Variants in CTNNA2 observed in about 807,000 individuals in gnomAD.
The protein encoded by CTNNA2 is catenin alpha 2, also known as catenin alpha-2.
A neutral mutation model predicts 101.0 loss-of-function variants in CTNNA2; 42 were observed. The observed-to-expected ratio is 0.42, with a 90% CI of 0.32 to 0.54. CTNNA2 has a LOEUF of 0.54. CTNNA2 is among the 20% of genes least tolerant of loss of function. The pLI is 0.14. For missense variants in CTNNA2, 871 were observed against 1,223.1 expected, an observed-to-expected ratio of 0.71 and a Z score of 4.29; for synonymous variants, 450 against 456.4, an observed-to-expected ratio of 0.99 and a Z score of 0.18.
At chr2:79,568,779 T>A (rs1379872271) in intron 1 of CTNNA2, among the ~76,000 whole-genome samples, 1 of 143,450 alleles carries the variant, frequency 7.0e-6, no homozygotes, top group Non-Finnish European at 1.5e-5. Context: ...CCCAGCACTT[T>A]GGGAGGCTGA....
chr2:80,539,217 A>T lies in CTNNA2; in HGVS notation c.1291-5765A>T, dbSNP rs1297396958. ...CTGCTTTTGGCTTCCTGAGGTGATTATTAAAGAGTTACAGGATAGATGCCA... is the reference window on the plus strand; with the variant it reads ...CTGCTTTTGGCTTCCTGAGGTGATTTTTAAAGAGTTACAGGATAGATGCCA... On this transcript the variant is annotated intron_variant, in intron 9 of 18. Coordinates refer to ENST00000402739, the MANE Select transcript of CTNNA2 (RefSeq NM_001282597.3). Among the ~76,000 whole-genome samples the T allele has an allele frequency of 3.9e-5, 6 of 151,980 alleles. No homozygotes were observed. In the East Asian group the frequency reaches 1.2e-3, roughly 29 times the overall value.
At chr2:79,994,587 A>G (rs116310317) in intron 7 of CTNNA2, among the ~76,000 whole-genome samples, 26,107 of 150,708 alleles carry the variant, frequency 0.17, 2,491 homozygotes, top group East Asian at 0.27. Flanking sequence ...TCTGTTTCAT[A>G]GGAAAAAAAA....
intron 7 of CTNNA2, among the ~76,000 whole-genome samples, chr2:80,242,522 C>A (rs1671019111): frequency 6.6e-6 from 1 of 152,172 alleles, no homozygotes; most frequent in Non-Finnish European, 1.5e-5. Context: ...TTGCTAGGCT[C>A]TTTGAGCATT....
At chr2:79,415,779 G>C (rs1427473480) in intron 4 of CTNNA2, among the ~76,000 whole-genome samples, 1 of 151,976 alleles carries the variant, frequency 6.6e-6, no homozygotes, top group African/African-American at 2.4e-5. Context: ...AATCAAATAT[G>C]ATCCTCACCG....
intron 2 of CTNNA2, among the ~76,000 whole-genome samples, chr2:79,253,814 T>G (rs188694759): frequency 1.3e-5 from 2 of 152,210 alleles, no homozygotes; most frequent in Non-Finnish European, 2.9e-5. Flanking sequence ...AAGAAGAGCA[T>G]GTGTATTTGT....
rs768529296 is a variant in CTNNA2, at chr2:79,909,753, G to A, written c.1012G>A (p.Val338Met). The part of the protein sequence containing the change: ...RERIVAECNA[V>M]RQALQDLLSE... ...GAGGATCGTGGCGGAGTGCAACGCC[G>A]TGCGGCAGGCGCTCCAGGACCTGCT... is the stretch of plus-strand genomic sequence containing the variant. The change falls in exon 7 of 19, where the codon GTG (valine) becomes ATG (methionine). Residue 338 changes from valine to methionine, a missense_variant. Val to Met is a conservative substitution (Grantham distance 21). Transcript: ENST00000402739. 1.2e-6 allele frequency: 2 copies of A among 1,612,900 alleles called. No homozygotes were observed. The highest frequency in any genetic ancestry group is 8.5e-7 in the Non-Finnish European group (1 of 1,179,432).
chr2:80,494,227 T>A (rs1044467441), intron 9 of CTNNA2, among the ~76,000 whole-genome samples: 1 of 152,120 alleles, frequency 6.6e-6, no homozygotes, highest in African/African-American at 2.4e-5. Flanking sequence ...AGGACAGTAA[T>A]AAACAATAAT....
chr2:80,274,875 A>T (rs1573570602), intron 7 of CTNNA2, among the ~76,000 whole-genome samples: 1 of 152,124 alleles, frequency 6.6e-6, no homozygotes, highest in East Asian at 1.9e-4. Flanking sequence ...AGGATTTCGT[A>T]ATGCCTTGCA....
At chr2:79,200,190 C>T (rs1347469169) in intron 2 of CTNNA2, among the ~76,000 whole-genome samples, 1 of 152,062 alleles carries the variant, frequency 6.6e-6, no homozygotes, top group Non-Finnish European at 1.5e-5. Context: ...TTGAGACCAG[C>T]CTGGCCAATA....
intron 2 of CTNNA2, among the ~76,000 whole-genome samples, chr2:79,237,202 A>G (rs889322687): frequency 4.6e-5 from 7 of 152,222 alleles, no homozygotes; most frequent in African/African-American, 1.7e-4. Flanking sequence ...CATGAAGCCA[A>G]CATTAATCAT....
chr2:80,363,185 AT>A (rs1674584742), intron 7 of CTNNA2, among the ~76,000 whole-genome samples: 1 of 152,104 alleles, frequency 6.6e-6, no homozygotes, highest in Admixed American at 6.6e-5. Context: ...CAAGAAATGA[AT>A]TTAGATATGG....
chr2:79,653,597 T>C (rs1681409634), intron 2 of CTNNA2, among the ~76,000 whole-genome samples: 1 of 152,206 alleles, frequency 6.6e-6, no homozygotes, highest in South Asian at 2.1e-4. Context: ...GAAAATGTTA[T>C]CCAGACATAA....
At chr2:79,330,319 A>C (rs1156982855) in intron 3 of CTNNA2, among the ~76,000 whole-genome samples, 2 of 152,156 alleles carry the variant, frequency 1.3e-5, no homozygotes, top group Non-Finnish European at 2.9e-5. Flanking sequence ...CAAGTTCAAG[A>C]CTCAGAGTTT....
chr2:79,638,213 A>G (rs1268729664), intron 1 of CTNNA2, among the ~76,000 whole-genome samples: 2 of 152,198 alleles, frequency 1.3e-5, no homozygotes, highest in African/African-American at 2.4e-5. Context: ...CTATCTTGAG[A>G]TGTACAAAAT....
chr2:80,038,393 A>G (rs1326695201), intron 7 of CTNNA2, among the ~76,000 whole-genome samples: 3 of 152,150 alleles, frequency 2.0e-5, no homozygotes, highest in Non-Finnish European at 4.4e-5. Flanking sequence ...GAGTATCTGG[A>G]GAATCACAGT....
chr2:80,517,608 CAT>C (rs1210302483), intron 9 of CTNNA2, among the ~76,000 whole-genome samples: 1 of 152,176 alleles, frequency 6.6e-6, no homozygotes, highest in East Asian at 1.9e-4. Context: ...AGGCAAGGAA[CAT>C]TCCTAGGGGA....
intron 3 of CTNNA2, among the ~76,000 whole-genome samples, chr2:79,791,239 G>A (rs563567608): frequency 6.6e-6 from 1 of 152,260 alleles, no homozygotes; most frequent in African/African-American, 2.4e-5. Flanking sequence ...TGTTAACAGA[G>A]TGGGAGGTTG....
At position 80,012,991 on chromosome 2, in the gene CTNNA2, C is replaced by G. The variant is rs1177720918; in HGVS notation, c.1056+103194C>G. On this transcript the variant is annotated intron_variant, in intron 7 of 18. Coordinates refer to ENST00000402739, the MANE Select transcript of CTNNA2 (RefSeq NM_001282597.3). The stretch of plus-strand genomic sequence containing the variant: ...CCATTCTGGGCAACATAATGAGACT[C>G]TGTCTCTACAAAAAGTTTTTAAAAC... 2.6e-5 allele frequency among the ~76,000 whole-genome samples: 4 copies of G among 152,126 alleles called. 1 individual carries two copies. The highest frequency in any genetic ancestry group is 9.7e-5 in the African/African-American group (4 of 41,424).
intron 7 of CTNNA2, among the ~76,000 whole-genome samples, chr2:80,257,840 C>T (rs1329135917): frequency 4.6e-5 from 7 of 152,218 alleles, no homozygotes; most frequent in Middle Eastern, 3.2e-3. Context: ...AGTCTACACC[C>T]GGGCAATCAT....
Sources: gnomAD v4.1 joint callset for allele counts (sites outside exome capture counted in the v4.1 genomes callset) on GRCh38, gnomAD v4.1.1 for gene constraint, MANE v1.5 for transcripts, NCBI Gene and HGNC (gene_info 2026-07-23, HGNC 2026-07-21) for gene names.